Variants in ERBIN observed in about 807,000 individuals in gnomAD.
ERBIN encodes the protein erbb2 interacting protein, also known as densin-180-like protein.
Under a neutral mutation model 158.4 loss-of-function variants are expected in ERBIN, and 60 were observed. That is an observed-to-expected ratio of 0.38 (90% CI 0.31 to 0.47). The LOEUF is 0.47. Ranked by LOEUF, ERBIN falls within the 20% of genes least tolerant of loss-of-function variation. The pLI is 0.99. For missense variants in ERBIN, 1,610 were observed against 1,648.0 expected (o/e 0.98, Z 0.40); for synonymous variants, 594 against 557.2 (o/e 1.07, Z -0.93).
At chr5:66,076,565 G>C (rs184126090) in intron 24 of ERBIN, 157 bp downstream of exon 24, 36 of 672,230 alleles carry the variant, frequency 5.4e-5, no homozygotes, top group African/African-American at 4.9e-4. Context: ...TTTGTAATTT[G>C]ATCAGTTCAA....
chr5:65,934,978 C>A (rs1743908463), intron 1 of ERBIN, among the ~76,000 whole-genome samples: 1 of 152,040 alleles, frequency 6.6e-6, no homozygotes, highest in East Asian at 1.9e-4. Context: ...AACATATCTT[C>A]TACTTTTCCT....
At chr5:66,063,525 A>G (rs1760674366) in intron 21 of ERBIN, among the ~76,000 whole-genome samples, 1 of 152,062 alleles carries the variant, frequency 6.6e-6, no homozygotes, top group East Asian at 1.9e-4. Flanking sequence ...CGGCTCAGGC[A>G]TGGTGTGCTG....
Position 66,046,475 on chromosome 5 carries a change from G to T in ERBIN, c.1725G>T (p.Val575=). 2 of 1,611,610 alleles carry T rather than the reference G, an allele frequency of 1.2e-6. No individual in the cohort carries two copies. The highest frequency in any genetic ancestry group is 1.7e-6 in the Non-Finnish European group (2 of 1,178,534). The change falls in exon 18 of 26, where the codon GTG becomes GTT. Residue 575 remains valine (V), a synonymous_variant. Transcript: ENST00000284037. Reference sequence around the variant, plus strand: ...AGATTAGTCCTGGGAGTTTACCAGTGACTGCAAATATGAAAGCCTCTGAGA... The same window carrying T: ...AGATTAGTCCTGGGAGTTTACCAGTTACTGCAAATATGAAAGCCTCTGAGA... ...EAEISPGSLP[V]TANMKASENL...
At chr5:65,971,095 T>C (rs1300814480) in intron 1 of ERBIN, among the ~76,000 whole-genome samples, 2 of 152,236 alleles carry the variant, frequency 1.3e-5, no homozygotes, top group Non-Finnish European at 2.9e-5. Flanking sequence ...CCAGAATTGC[T>C]ACCAAAGTGT....
rs1309501274 is a variant in ERBIN at position 66,081,482 on chromosome 5, TATTC to T, written c.*2957_*2960del. The T allele has an allele frequency of 6.6e-6, 1 of 152,106 alleles. No individual in the cohort carries two copies. The highest frequency in any genetic ancestry group is 1.9e-4 in the East Asian group (1 of 5,196). The allele number at this position is 152,106 out of a possible 1,614,324, so 9.4% of individuals were successfully genotyped here. Reference sequence around the variant, plus strand: ...TGTAATATTTTTATCAACCAACATTTATTCATTCCAAATTTTTGTATATATCTAG... The same window carrying T: ...TGTAATATTTTTATCAACCAACATTTATTCCAAATTTTTGTATATATCTAG... On this transcript the variant is annotated 3_prime_UTR_variant, in exon 26 of 26. Coordinates refer to ENST00000284037, the MANE Select transcript of ERBIN (RefSeq NM_001253697.2).
intron 3 of ERBIN, among the ~76,000 whole-genome samples, chr5:65,993,809 TGTAA>T: frequency 6.6e-6 from 1 of 152,154 alleles, no homozygotes; most frequent in Non-Finnish European, 1.5e-5. Flanking sequence ...AATTTGTTAG[TGTAA>T]GTGTGTCCCA....
chr5:66,078,401 A>G (rs753758044), intron 25 of ERBIN, 22 bp from the exon 26 acceptor site: 2 of 1,423,046 alleles, frequency 1.4e-6, no homozygotes, highest in Non-Finnish European at 1.9e-6. Flanking sequence ...TGTTTTTCCT[A>G]AAAGCATTTT....
chr5:66,079,568 C>T lies in ERBIN; in HGVS notation c.*1038C>T, dbSNP rs1412990487. 6.6e-6 allele frequency: 1 copy of T among 152,498 alleles called. No homozygotes were observed. The highest frequency in any genetic ancestry group is 1.9e-4 in the East Asian group (1 of 5,190). 9.4% of individuals were successfully genotyped at this position (152,498 alleles called of 1,614,324 possible). ...TGATTTTTGTTTGGCCTTGCATTGC[C>T]TTGGTAAAGTAAAAGGAAACAGTAC... On this transcript the variant is annotated 3_prime_UTR_variant, in exon 26 of 26. Transcript: ENST00000284037.
At position 66,021,351 on chromosome 5, in the gene ERBIN, G is replaced by C; in HGVS notation, c.563G>C (p.Arg188Thr). Residue 188 changes from arginine (R) to threonine (T), a missense_variant, in exon 8 of 26, where the codon AGA (arginine) becomes ACA (threonine). By Grantham distance (71) the Arg-to-Thr change is moderately conservative. This residue lies in a region of ERBIN where 596 missense variants were observed against 711.9 expected (regional missense o/e 0.84). Coordinates refer to ENST00000284037, the MANE Select transcript of ERBIN (RefSeq NM_001253697.2). The part of the protein sequence containing the change: ...KTMNRLTQLE[R>T]LDLGSNEFTE... The stretch of plus-strand genomic sequence containing the variant: ...ATGAATAGACTGACCCAGCTGGAAA[G>C]ACTGGATTTGGGAAGTAACGAATTC... The C allele has an allele frequency of 6.2e-7, 1 of 1,605,424 alleles. No individual in the cohort carries two copies. Among genetic ancestry groups the C allele is most frequent in the Non-Finnish European group, 8.5e-7 (1 of 1,174,096 alleles).
rs1266857657 is a variant in ERBIN at position 66,053,799 on chromosome 5, G to A, written c.2481G>A (p.Glu827=). The A allele has an allele frequency of 3.7e-6, 6 of 1,613,700 alleles. 1 individual carries two copies. The highest frequency in any genetic ancestry group is 1.6e-4 in the Middle Eastern group (1 of 6,084). The part of the protein sequence containing the change: ...ESVNKVNGHS[E]ETSQSPNRTE... ...TAAATAAGGTAAATGGACATTCTGA[G>A]GAAACTTCCCAGTCTCCTAATAGGA... The change falls in exon 21 of 26, where the codon GAG becomes GAA. Residue 827 remains glutamate (E), a synonymous_variant. Coordinates refer to ENST00000284037, the MANE Select transcript of ERBIN (RefSeq NM_001253697.2).
chr5:65,983,580 G>A (rs1252135221), intron 1 of ERBIN, among the ~76,000 whole-genome samples: 1 of 152,178 alleles, frequency 6.6e-6, no homozygotes, highest in Non-Finnish European at 1.5e-5. Flanking sequence ...TGATAACTGT[G>A]ATTAAACTAA....
At chr5:66,070,908 CTA>C (rs1327800047) in intron 21 of ERBIN, among the ~76,000 whole-genome samples, 7 of 152,156 alleles carry the variant, frequency 4.6e-5, no homozygotes, top group Non-Finnish European at 2.9e-5. Flanking sequence ...GTTTGCATTT[CTA>C]TGTTGCTAGC....
intron 24 of ERBIN, 152 bp downstream of exon 24, chr5:66,076,560 AATTTG>A: frequency 5.9e-6 from 4 of 680,316 alleles, no homozygotes; most frequent in Non-Finnish European, 7.5e-6. Flanking sequence ...TTTGTTTTGT[AATTTG>A]ATCAGTTCAA....
intron 14 of ERBIN, among the ~76,000 whole-genome samples, chr5:66,037,649 T>C (rs529504970): frequency 1.3e-5 from 2 of 152,200 alleles, no homozygotes; most frequent in South Asian, 2.1e-4. Context: ...AATTAAGTAA[T>C]AGGGTGACAT....
In ERBIN at chr5:65,942,572, T is replaced by C. The variant is rs557346276; in HGVS notation, c.-58+15766T>C. Among the ~76,000 whole-genome samples the C allele has an allele frequency of 5.9e-5, 9 of 152,338 alleles. No homozygotes were observed. The South Asian group carries it at 1.9e-3, about 32-fold the overall frequency. The stretch of plus-strand genomic sequence containing the variant: ...TACATCAATATTTGAGCCAAGAAGT[T>C]TCAGAGAAAGATTTATCCTTAAAGT... On this transcript the variant is annotated intron_variant, in intron 1 of 25. Coordinates refer to ENST00000284037, the MANE Select transcript of ERBIN (RefSeq NM_001253697.2).
At chr5:65,974,817 T>C (rs1275084842) in intron 1 of ERBIN, among the ~76,000 whole-genome samples, 2 of 152,136 alleles carry the variant, frequency 1.3e-5, no homozygotes, top group Non-Finnish European at 2.9e-5. Context: ...TCATTAGGAA[T>C]GTGTTAAGAG....
intron 13 of ERBIN, 110 bp downstream of exon 13, chr5:66,026,527 A>T (rs1229027001): frequency 2.1e-6 from 1 of 480,726 alleles, no homozygotes; most frequent in Admixed American, 4.2e-5. Flanking sequence ...CTTTAAATAT[A>T]CATAGTAAGT....
intron 14 of ERBIN, among the ~76,000 whole-genome samples, chr5:66,028,633 A>G (rs890991936): frequency 6.6e-6 from 1 of 151,952 alleles, no homozygotes; most frequent in African/African-American, 2.4e-5. Context: ...GCATTATCTC[A>G]TACACTTGCC....
chr5:66,056,146 A>G (rs1263323991), intron 21 of ERBIN, among the ~76,000 whole-genome samples: 1 of 152,154 alleles, frequency 6.6e-6, no homozygotes, highest in Non-Finnish European at 1.5e-5. Context: ...GTAGTCAAAG[A>G]GATTGAGTTA....
Sources: gnomAD v4.1 joint callset for allele counts (sites outside exome capture counted in the v4.1 genomes callset) on GRCh38, gnomAD v4.1.1 for gene constraint, gnomAD v4.1.1 regional missense constraint, MANE v1.5 for transcripts, NCBI Gene and HGNC (gene_info 2026-07-23, HGNC 2026-07-21) for gene names.